PIGQ: variants seen among roughly 807,000 people sequenced by gnomAD.
PIGQ encodes phosphatidylinositol N-acetylglucosaminyltransferase subunit Q.
A neutral mutation model predicts 60.3 loss-of-function variants in PIGQ; 54 were observed. That is an observed-to-expected ratio of 0.90 (90% CI 0.72 to 1.12). The LOEUF (loss-of-function observed/expected upper bound fraction) is 1.12, where lower values mean the gene tolerates loss of function less well. Ranked by LOEUF, PIGQ falls within the 50% of genes most tolerant of loss-of-function variation. The pLI, the probability that PIGQ is intolerant of heterozygous loss-of-function variation, is 0.00. For synonymous variants in PIGQ, 416 were observed against 363.7 expected (o/e 1.14, Z -1.64); for missense variants, 799 against 793.5 (o/e 1.01, Z -0.08).
chr16:580,585 G>A lies in PIGQ; in HGVS notation c.1417-273G>A, dbSNP rs1228902575. ...TGGGAGGTGAGCAGAACCACCTCCA[G>A]CACCTGCTTGATTCCCAGGCCTCGA... On this transcript the variant is annotated intron_variant, in intron 8 of 10. Coordinates refer to ENST00000321878, the MANE Select transcript of PIGQ (RefSeq NM_004204.5). 1.3e-5 allele frequency: 7 copies of A among 555,242 alleles called. No individual in the cohort carries two copies. In the East Asian group the frequency reaches 2.0e-4, roughly 16 times the overall value. The allele number at this position is 555,242 out of a possible 1,614,324, so 34.4% of individuals were successfully genotyped here. A position where few individuals can be genotyped will look rare whatever the true frequency, so the allele number is the denominator to read the frequency against.
chr16:572,360 C>T, intron 1 of PIGQ: 1 of 374,026 alleles, frequency 2.7e-6, no homozygotes, highest in Non-Finnish European at 5.3e-6. Context: ...GGTCCCTTTT[C>T]AGCTAGAACC....
At position 570,027 on chromosome 16, in the gene PIGQ, G is replaced by C. The variant is rs2035595357; in HGVS notation, c.-79G>C. On this transcript the variant is annotated 5_prime_UTR_variant, in exon 1 of 11. Transcript: ENST00000321878. Reference sequence around the variant, plus strand: ...GGCAGCGAGCGCCGTCGTCTGCCCGGGCCCGCCCATCGGGGTCCCCAACCC... The same window carrying C: ...GGCAGCGAGCGCCGTCGTCTGCCCGCGCCCGCCCATCGGGGTCCCCAACCC... 1 of 149,686 alleles carries C rather than the reference G, an allele frequency of 6.7e-6. No homozygotes were observed. The highest frequency in any genetic ancestry group is 1.5e-5 in the Non-Finnish European group (1 of 67,034). The allele number at this position is 149,686 out of a possible 1,614,324, so 9.3% of individuals were successfully genotyped here. A position where few individuals can be genotyped will look rare whatever the true frequency, so the allele number is the denominator to read the frequency against.
chr16:571,026 T>G (rs2151041900), intron 1 of PIGQ, among the ~76,000 whole-genome samples: 1 of 146,900 alleles, frequency 6.8e-6, no homozygotes, highest in Admixed American at 6.9e-5. Flanking sequence ...CTCTTCTGGC[T>G]AGCCTGGCGC....
At chr16:578,526 G>GGCCCC (rs748956749) in intron 5 of PIGQ, 21 bp downstream of exon 5, 11 of 1,606,738 alleles carry the variant, frequency 6.8e-6, no homozygotes. Flanking sequence ...GGCAGGCGGG[G>GGCCCC]GCCCCAGGGA....
chr16:573,846 G>A (rs2035671245), intron 1 of PIGQ, among the ~76,000 whole-genome samples: 1 of 152,212 alleles, frequency 6.6e-6, no homozygotes, highest in African/African-American at 2.4e-5. Flanking sequence ...TGGGCCTGGG[G>A]TGGACTTGGG....
In PIGQ at chr16:582,297, C is replaced by T. The variant is rs768877022; in HGVS notation, c.1581C>T (p.Arg527=). The change falls in exon 10 of 11, where the codon CGC becomes CGT. Residue 527 remains arginine (R), a synonymous_variant. Transcript: ENST00000321878. ...VLRHEAGRPL[R]LLMQINPLPY... ...GGCACGAGGCCGGCAGGCCCCTCCG[C>T]CTCCTGATGCAGGTGAGGCCCCTTG... 11 of 1,600,836 alleles carry T rather than the reference C, an allele frequency of 6.9e-6. No homozygotes were observed. Among genetic ancestry groups the T allele is most frequent in the East Asian group, 2.2e-5 (1 of 44,486 alleles).
chr16:578,709 CCTG>C (rs2035761027), intron 5 of PIGQ, 73 bp from the exon 6 acceptor site: 1 of 1,530,824 alleles, frequency 6.5e-7, no homozygotes, highest in Non-Finnish European at 9.0e-7. Flanking sequence ...CACCTCATGT[CCTG>C]TGTGTGTGAG....
At chr16:571,243 GTGTGTCTGGCTAGCC>G (rs1172582064) in intron 1 of PIGQ, among the ~76,000 whole-genome samples, 7 of 148,024 alleles carry the variant, frequency 4.7e-5, no homozygotes, top group African/African-American at 1.5e-4. Context: ...GTGTGTGTGT[GTGTGTCTGGCTAGCC>G]TGTGTGTGTG....
At chr16:582,619 C>T (rs1312180973) in intron 10 of PIGQ, 12 of 583,418 alleles carry the variant, frequency 2.1e-5, no homozygotes, top group Non-Finnish European at 3.7e-5. Context: ...TGAGTGAGTC[C>T]TGGGGTGGGG....
At chr16:582,361 A>G (rs1318994662) in intron 10 of PIGQ, 52 bp downstream of exon 10, 1 of 1,368,342 alleles carries the variant, frequency 7.3e-7, no homozygotes, top group Non-Finnish European at 1.0e-6. Context: ...CTGTTCTGGG[A>G]CGGTGGGGTC....
At chr16:582,576 C>G in intron 10 of PIGQ, 1 of 567,410 alleles carries the variant, frequency 1.8e-6, no homozygotes, top group Admixed American at 3.1e-5. Context: ...CTGGGCCCCA[C>G]AGGGCTCAAG....
intron 1 of PIGQ, chr16:570,650 G>A (rs142243978): frequency 1.3e-5 from 2 of 152,358 alleles, no homozygotes; most frequent in African/African-American, 4.8e-5. Context: ...ATTTTTAGTA[G>A]AGACTTGGTT....
intron 4 of PIGQ, 141 bp downstream of exon 4, chr16:576,395 G>C: frequency 9.6e-7 from 1 of 1,045,562 alleles, no homozygotes; most frequent in Non-Finnish European, 1.4e-6. Context: ...GCCCTCCCCT[G>C]AACCAGAAGC....
chr16:582,201 G>T (rs757759569), intron 9 of PIGQ, 47 bp from the exon 10 acceptor site: 1 of 1,387,744 alleles, frequency 7.2e-7, no homozygotes, highest in Non-Finnish European at 1.0e-6. Context: ...TCATGTGTGG[G>T]GCCAGCCCCC....
chr16:579,059 C>A lies in PIGQ; in HGVS notation c.1224-10C>A. 5 of 1,605,116 alleles carry A rather than the reference C, an allele frequency of 3.1e-6. No homozygotes were observed. The highest frequency in any genetic ancestry group is 4.3e-6 in the Non-Finnish European group (5 of 1,173,614). ...GGCGGGGCCGGGCCCGACAGCACTG[C>A]GTCCTGTAGGCTGTACTGCCTGAAG... On this transcript the variant is annotated splice_polypyrimidine_tract_variant and intron_variant, in intron 6 of 10. Coordinates refer to ENST00000321878, the MANE Select transcript of PIGQ (RefSeq NM_004204.5).
rs747297694 is a variant in PIGQ at position 580,875 on chromosome 16, C to G, written c.1434C>G (p.Val478=). 2.6e-6 allele frequency: 4 copies of G among 1,547,830 alleles called. No homozygotes were observed. The African/African-American group carries it at 4.1e-5, about 16-fold the overall frequency. The change falls in exon 9 of 11, where the codon GTC becomes GTG. Residue 478 remains valine, a synonymous_variant. Transcript: ENST00000321878. The part of the protein sequence containing the change: ...LVFTLLRLLV[V]AVQGLIHLLV... ...TGCCACAGCTCCGGCTCCTGGTGGT[C>G]GCCGTGCAGGGCCTGATCCATCTGC...
rs550995802 is a variant in PIGQ at position 572,668 on chromosome 16, C to T, written c.-9-1398C>T. The T allele has an allele frequency of 1.2e-3, 568 of 455,728 alleles. 1 individual carries two copies. Among genetic ancestry groups the T allele is most frequent in the South Asian group, 2.8e-3 (179 of 64,322 alleles). The allele number at this position is 455,728 out of a possible 1,614,324, so 28.2% of individuals were successfully genotyped here. On this transcript the variant is annotated intron_variant, in intron 1 of 10. Transcript: ENST00000321878. The stretch of plus-strand genomic sequence containing the variant: ...CTCCAGGCATCCCACTCTGTTCCCT[C>T]GTCCCTAAGGGCGTGGTGGGCACTG...
At chr16:571,040 T>G (rs1403476548) in intron 1 of PIGQ, among the ~76,000 whole-genome samples, 4 of 7,892 alleles carry the variant, frequency 5.1e-4, no homozygotes, top group East Asian at 6.0e-3. Flanking sequence ...CTGGCGCCCG[T>G]GTGTGTGTGT....
chr16:576,776 G>A (rs538623968), intron 4 of PIGQ: 60 of 382,904 alleles, frequency 1.6e-4, no homozygotes, highest in African/African-American at 4.5e-4. Context: ...GTTTCCAGCC[G>A]GGTGCAGCCC....
Sources: allele counts gnomAD v4.1 joint callset (sites outside exome capture counted in the v4.1 genomes callset), GRCh38; gene constraint gnomAD v4.1.1; transcripts MANE v1.5; gene names NCBI Gene and HGNC (gene_info 2026-07-23, HGNC 2026-07-21).